Variants in FARP1 observed in about 807,000 individuals in gnomAD.
FARP1 encodes the protein FERM, ARH/RhoGEF and pleckstrin domain protein 1.
FARP1 carries 52 observed loss-of-function variants against 128.8 expected under a neutral mutation model. The observed-to-expected ratio is 0.40, with a 90% CI of 0.32 to 0.51. FARP1 has a LOEUF of 0.51. Ranked by LOEUF, FARP1 falls within the 20% of genes least tolerant of loss-of-function variation. The pLI, the probability that FARP1 is intolerant of heterozygous loss-of-function variation, is 0.45. For missense variants in FARP1, 1,333 were observed against 1,367.9 expected, an observed-to-expected ratio of 0.97 and a Z score of 0.40; for synonymous variants, 580 against 551.8, an observed-to-expected ratio of 1.05 and a Z score of -0.72.
chr13:98,173,267 G>T (rs2139170678), intron 1 of FARP1, among the ~76,000 whole-genome samples: 1 of 152,246 alleles, frequency 6.6e-6, no homozygotes, highest in South Asian at 2.1e-4. Context: ...ATTTTTATGG[G>T]CAGTTGGCAC....
intron 1 of FARP1, among the ~76,000 whole-genome samples, chr13:98,210,739 C>T (rs184334194): frequency 4.3e-4 from 65 of 152,060 alleles, no homozygotes; most frequent in Admixed American, 1.6e-3. Context: ...TTAGTAGAGA[C>T]GGGGTTTCAC....
At chr13:98,229,681 A>C (rs961251793) in intron 2 of FARP1, among the ~76,000 whole-genome samples, 2 of 106,222 alleles carry the variant, frequency 1.9e-5, no homozygotes, top group Non-Finnish European at 1.8e-5. Context: ...TATATACTTT[A>C]TTTCTTTTTT....
At chr13:98,214,749 C>T (rs1197740795) in intron 2 of FARP1, among the ~76,000 whole-genome samples, 13 of 152,160 alleles carry the variant, frequency 8.5e-5, no homozygotes, top group Non-Finnish European at 1.5e-4. Context: ...TTGTATCTTT[C>T]AAGGACTTGG....
intron 2 of FARP1, among the ~76,000 whole-genome samples, chr13:98,257,707 T>C (rs745568290): frequency 1.3e-5 from 2 of 151,244 alleles, no homozygotes; most frequent in Non-Finnish European, 2.9e-5. Context: ...GAGGCGGAGG[T>C]TGTAGTGAGC....
At chr13:98,395,632 G>T in intron 13 of FARP1, 156 bp downstream of exon 13, 1 of 919,146 alleles carries the variant, frequency 1.1e-6, no homozygotes, top group Non-Finnish European at 1.6e-6. Flanking sequence ...TTATGAGGGT[G>T]ATCTGACCAG....
chr13:98,425,699 G>A (rs1224041201), intron 17 of FARP1, among the ~76,000 whole-genome samples: 2 of 152,058 alleles, frequency 1.3e-5, no homozygotes, highest in Non-Finnish European at 2.9e-5. Flanking sequence ...TCGCAAATAT[G>A]TTTTTAATCA....
chr13:98,201,124 A>G (rs909223538), intron 1 of FARP1, among the ~76,000 whole-genome samples: 1 of 152,134 alleles, frequency 6.6e-6, no homozygotes, highest in African/African-American at 2.4e-5. Context: ...CCATTAGCCA[A>G]CTCAAAGATG....
At chr13:98,444,219 C>T (rs9513427) in intron 24 of FARP1, among the ~76,000 whole-genome samples, 52,168 of 151,874 alleles carry the variant, frequency 0.34, 9,182 homozygotes, top group Non-Finnish European at 0.38. Flanking sequence ...ACGGCTCGTG[C>T]TGGGCTTAGG....
chr13:98,156,032 C>T (rs1172569586), intron 1 of FARP1, among the ~76,000 whole-genome samples: 2 of 152,170 alleles, frequency 1.3e-5, no homozygotes, highest in Admixed American at 6.5e-5. Flanking sequence ...AAAGTTAGGT[C>T]GTCTGGAGCA....
chr13:98,403,400 A>G (rs937893867), intron 13 of FARP1: 2 of 152,190 alleles, frequency 1.3e-5, no homozygotes, highest in Non-Finnish European at 2.9e-5. Flanking sequence ...TTGCATGGAG[A>G]GCCTAGACAG....
Position 98,176,986 on chromosome 13 carries a change from TC to T in FARP1, c.-24+33496del. On this transcript the variant is annotated intron_variant, in intron 1 of 26. Transcript: ENST00000319562. The surrounding 1 kb of genome is among the most constrained non-coding windows in gnomAD (Gnocchi z 6.2). ...CACGTCGAGGCTCTCAGGCGCCGCC[TC>T]CTCGCCCCTCCTGTCGCCGTGAGCC... is the stretch of plus-strand genomic sequence containing the variant. 4.4e-6 allele frequency: 7 copies of T among 1,598,914 alleles called. No individual in the cohort carries two copies. Among genetic ancestry groups the T allele is most frequent in the Non-Finnish European group, 5.9e-6 (7 of 1,179,398 alleles).
intron 4 of FARP1, 24 bp from the exon 5 acceptor site, chr13:98,368,088 GCTTTA>G (rs1459465466): frequency 1.9e-6 from 3 of 1,559,014 alleles, no homozygotes; most frequent in Non-Finnish European, 1.8e-6. Flanking sequence ...ATCAGTAAAT[GCTTTA>G]CTTCTTTTTT....
intron 1 of FARP1, among the ~76,000 whole-genome samples, chr13:98,187,473 G>A (rs1878953402): frequency 6.6e-6 from 1 of 152,230 alleles, no homozygotes; most frequent in Non-Finnish European, 1.5e-5. Context: ...GGAGCAGAAT[G>A]TTGGCAGGTG....
chr13:98,404,064 C>CACCAT, intron 13 of FARP1: 1 of 154,264 alleles, frequency 6.5e-6, no homozygotes, highest in South Asian at 1.8e-4. Context: ...ACCATCACCA[C>CACCAT]CACCGTGTTC....
chr13:98,312,157 T>TTTTTTTTTTTTTTG (rs1555336443), intron 2 of FARP1, among the ~76,000 whole-genome samples: 1 of 148,894 alleles, frequency 6.7e-6, no homozygotes, highest in African/African-American at 2.5e-5. Flanking sequence ...TTTTTTTTCT[T>TTTTTTTTTTTTTTG]TGAGACGGAG....
Position 98,253,925 on chromosome 13 carries a change from T to C in FARP1, c.171+40512T>C, listed in dbSNP as rs181777213. ...TGACAGTTTTCATGCATGCTTTCCA[T>C]GTGGGGTTTGGAACAAACTGATGGG... On this transcript the variant is annotated intron_variant, in intron 2 of 26. Coordinates refer to ENST00000319562, the MANE Select transcript of FARP1 (RefSeq NM_005766.4). Among the ~76,000 whole-genome samples the C allele has an allele frequency of 2.0e-4, 31 of 152,302 alleles. 1 individual carries two copies. Among genetic ancestry groups the C allele is most frequent in the African/African-American group, 7.2e-4 (30 of 41,566 alleles).
At chr13:98,393,215 T>C (rs1481473066) in intron 11 of FARP1, among the ~76,000 whole-genome samples, 1 of 152,188 alleles carries the variant, frequency 6.6e-6, no homozygotes, top group Non-Finnish European at 1.5e-5. Context: ...GGTAATTGCC[T>C]CTGTTATAGA....
At chr13:98,196,456 G>A (rs1290507628) in intron 1 of FARP1, among the ~76,000 whole-genome samples, 2 of 152,186 alleles carry the variant, frequency 1.3e-5, no homozygotes, top group African/African-American at 4.8e-5. Flanking sequence ...GATTAAATGA[G>A]TTAGAATTTA....
intron 2 of FARP1, among the ~76,000 whole-genome samples, chr13:98,215,366 TCTTC>T (rs1362736422): frequency 6.6e-6 from 1 of 152,206 alleles, no homozygotes; most frequent in African/African-American, 2.4e-5. Flanking sequence ...CAGGGCTTTT[TCTTC>T]CTTCCTGCAG....
Sources: gnomAD v4.1 joint callset for allele counts (sites outside exome capture counted in the v4.1 genomes callset) on GRCh38, gnomAD v4.1.1 for gene constraint, Gnocchi (gnomAD v3.1) non-coding constraint, MANE v1.5 for transcripts, NCBI Gene and HGNC (gene_info 2026-07-23, HGNC 2026-07-21) for gene names.